The following FSHR variants were observed in gnomAD, a reference collection of about 807,000 sequenced individuals.
FSHR encodes the protein follicle-stimulating hormone receptor.
FSHR carries 46 observed loss-of-function variants against 52.1 expected under a neutral mutation model. The ratio of observed to expected loss-of-function variants is 0.88; its 90% CI spans 0.70 to 1.13. The LOEUF (loss-of-function observed/expected upper bound fraction) is 1.13. FSHR is among the 50% of genes most tolerant of loss of function. The pLI, the probability that FSHR is intolerant of heterozygous loss-of-function variation, is 0.00. For synonymous variants in FSHR, 399 were observed against 309.6 expected, an observed-to-expected ratio of 1.29 and a Z score of -3.03; for missense variants, 964 against 834.6, an observed-to-expected ratio of 1.16 and a Z score of -1.91.
At chr2:49,018,422 A>G (rs3788981) in intron 3 of FSHR, among the ~76,000 whole-genome samples, 46 of 152,194 alleles carry the variant, frequency 3.0e-4, no homozygotes, top group East Asian at 1.9e-4. Flanking sequence ...GTTGCTGTAA[A>G]CTGTAGCTAC....
chr2:49,107,928 A>C (rs1018694284), intron 1 of FSHR, among the ~76,000 whole-genome samples: 1 of 152,180 alleles, frequency 6.6e-6, no homozygotes, highest in African/African-American at 2.4e-5. Flanking sequence ...TTACCTGGAC[A>C]CATCAATAGT....
At chr2:49,098,162 G>A (rs1283696569) in intron 1 of FSHR, among the ~76,000 whole-genome samples, 1 of 152,068 alleles carries the variant, frequency 6.6e-6, no homozygotes, top group Non-Finnish European at 1.5e-5. Context: ...TTCCTGATTG[G>A]TTTGAAATTT....
chr2:49,125,163 A>G (rs1171135026), intron 1 of FSHR, among the ~76,000 whole-genome samples: 2 of 151,974 alleles, frequency 1.3e-5, no homozygotes, highest in Non-Finnish European at 2.9e-5. Context: ...GATCCTCCCT[A>G]TTGCCTTTCT....
intron 2 of FSHR, among the ~76,000 whole-genome samples, chr2:49,036,026 C>G (rs1005140503): frequency 6.6e-6 from 1 of 152,188 alleles, no homozygotes; most frequent in Non-Finnish European, 1.5e-5. Flanking sequence ...TCTTCTCAAA[C>G]CCATGATCGA....
chr2:48,973,266 A>ACACG (rs1559082523), intron 8 of FSHR, among the ~76,000 whole-genome samples: 3 of 151,016 alleles, frequency 2.0e-5, no homozygotes, highest in Non-Finnish European at 4.4e-5. Context: ...ACACACACAC[A>ACACG]CACATGCACA....
intron 1 of FSHR, among the ~76,000 whole-genome samples, chr2:49,091,604 A>AT (rs1157288631): frequency 1.3e-5 from 2 of 152,106 alleles, no homozygotes; most frequent in East Asian, 1.9e-4. Flanking sequence ...GCCAATAACA[A>AT]TTTTTTTAAA....
chr2:49,061,686 T>C (rs564172090), intron 2 of FSHR, among the ~76,000 whole-genome samples: 91 of 141,482 alleles, frequency 6.4e-4, no homozygotes, highest in African/African-American at 2.1e-3. Flanking sequence ...TATATAACTA[T>C]ATATTTATAT....
chr2:48,970,429 T>G (rs1674691829), intron 8 of FSHR, among the ~76,000 whole-genome samples: 1 of 152,218 alleles, frequency 6.6e-6, no homozygotes, highest in Non-Finnish European at 1.5e-5. Context: ...TGCTCCTTCT[T>G]TTTGAGATAC....
At chr2:49,110,313 G>A (rs1462349761) in intron 1 of FSHR, among the ~76,000 whole-genome samples, 1 of 152,244 alleles carries the variant, frequency 6.6e-6, no homozygotes, top group Non-Finnish European at 1.5e-5. Flanking sequence ...CCTGGGAAGT[G>A]GTGGTCTCAA....
intron 1 of FSHR, among the ~76,000 whole-genome samples, chr2:49,144,135 A>T (rs1444344211): frequency 6.6e-6 from 1 of 152,112 alleles, no homozygotes; most frequent in Non-Finnish European, 1.5e-5. Context: ...AACCACCAGA[A>T]TGCTGGTAGT....
chr2:49,091,611 T>A (rs899340784), intron 1 of FSHR, among the ~76,000 whole-genome samples: 4 of 152,170 alleles, frequency 2.6e-5, no homozygotes, highest in African/African-American at 7.2e-5. Flanking sequence ...ACAATTTTTT[T>A]AAAAACATAT....
chr2:49,134,290 T>G (rs1323525231), intron 1 of FSHR, among the ~76,000 whole-genome samples: 3 of 152,214 alleles, frequency 2.0e-5, no homozygotes, highest in Non-Finnish European at 4.4e-5. Context: ...AAGACATTTA[T>G]GCAGCCAACA....
At chr2:49,125,375 T>C (rs1190889487) in intron 1 of FSHR, among the ~76,000 whole-genome samples, 2 of 152,228 alleles carry the variant, frequency 1.3e-5, no homozygotes, top group Non-Finnish European at 2.9e-5. Flanking sequence ...CAAGTTTGTG[T>C]TGGGCTGCAT....
At chr2:49,013,839 G>A (rs1476804965) in intron 4 of FSHR, among the ~76,000 whole-genome samples, 1 of 152,028 alleles carries the variant, frequency 6.6e-6, no homozygotes, top group South Asian at 2.1e-4. Context: ...TAAGGGTAGA[G>A]CCTCTGGAAG....
chr2:49,038,867 T>C (rs1668387398), intron 2 of FSHR, among the ~76,000 whole-genome samples: 1 of 151,928 alleles, frequency 6.6e-6, no homozygotes, highest in Admixed American at 6.6e-5. Context: ...TAACATAATA[T>C]GAATAGAACA....
intron 4 of FSHR, among the ~76,000 whole-genome samples, chr2:48,996,396 G>A (rs1676024335): frequency 6.6e-6 from 1 of 151,986 alleles, no homozygotes; most frequent in Non-Finnish European, 1.5e-5. Flanking sequence ...GGAAATTCAG[G>A]GTTAGATTCC....
rs750934104 is a variant in FSHR at position 49,154,281 on chromosome 2, C to A, written c.137G>T (p.Arg46Met). The A allele has an allele frequency of 6.2e-7, 1 of 1,613,904 alleles. No homozygotes were observed. ...TGATACTCACAGTTCAATGGCATTC[C>A]TCGGGAGGTCAGAAGGAATCTCTGT... The part of the protein sequence containing the change: ...KVTEIPSDLP[R>M]NAIELRFVLT... The change falls in exon 1 of 10, where the codon AGG (arginine) becomes ATG (methionine). Residue 46 changes from arginine (R) to methionine (M), a missense_variant. Transcript: ENST00000406846.
intron 2 of FSHR, among the ~76,000 whole-genome samples, chr2:49,037,069 G>C (rs1668295583): frequency 6.6e-6 from 1 of 152,196 alleles, no homozygotes; most frequent in Non-Finnish European, 1.5e-5. Flanking sequence ...AGAAGAATTA[G>C]AGATGAACTA....
chr2:49,010,845 G>C (rs1362950337), intron 4 of FSHR, among the ~76,000 whole-genome samples: 1 of 152,158 alleles, frequency 6.6e-6, no homozygotes, highest in Non-Finnish European at 1.5e-5. Context: ...TCTCATGGTA[G>C]TTTGTATTTC....
Sources: allele counts gnomAD v4.1 joint callset (sites outside exome capture counted in the v4.1 genomes callset), GRCh38; gene constraint gnomAD v4.1.1; transcripts MANE v1.5; gene names NCBI Gene and HGNC (gene_info 2026-07-23, HGNC 2026-07-21).